CNOT6: variants seen among roughly 807,000 people sequenced by gnomAD.
CNOT6 encodes the protein carbon catabolite repression 4 protein.
In CNOT6, 12 loss-of-function variants were observed where a neutral mutation model predicts 61.2. That is an observed-to-expected ratio of 0.20 (90% CI 0.13 to 0.32). The LOEUF is 0.32. Ranked by LOEUF, CNOT6 falls within the 10% of genes least tolerant of loss-of-function variation. The probability of loss-of-function intolerance (pLI) is 1.00; values close to 1 mark genes in which losing one functional copy is unlikely to be tolerated. For synonymous variants in CNOT6, 225 were observed against 240.6 expected (o/e 0.94, Z 0.60); for missense variants, 405 against 663.9 (o/e 0.61, Z 4.28).
intron 1 of CNOT6, among the ~76,000 whole-genome samples, chr5:180,514,464 C>A (rs1009832379): frequency 6.6e-5 from 10 of 152,178 alleles, no homozygotes; most frequent in African/African-American, 2.4e-4. Flanking sequence ...CTGAATTTTG[C>A]AGTGTAATTA....
At chr5:180,530,574 T>A (rs1017102513) in intron 2 of CNOT6, among the ~76,000 whole-genome samples, 1 of 151,796 alleles carries the variant, frequency 6.6e-6, no homozygotes, top group Admixed American at 6.6e-5. Context: ...TTTTTTTTTT[T>A]TTTTTAGTTT....
In CNOT6 at chr5:180,552,120, C is replaced by T. The variant is rs370029160; in HGVS notation, c.300-1266C>T. On this transcript the variant is annotated intron_variant, in intron 3 of 11. Transcript: ENST00000261951. Reference sequence around the variant, plus strand: ...CTGACCTCAAATGATCTGCCTGCCTCGGCCTCCCAAAGTGCTGGGATTACA... The same window carrying T: ...CTGACCTCAAATGATCTGCCTGCCTTGGCCTCCCAAAGTGCTGGGATTACA... 8.5e-3 allele frequency among the ~76,000 whole-genome samples: 1,285 copies of T among 151,684 alleles called. 13 individuals carry two copies. Among genetic ancestry groups the T allele is most frequent in the South Asian group, 0.067 (320 of 4,792 alleles).
chr5:180,512,407 T>C (rs1393900638), intron 1 of CNOT6, among the ~76,000 whole-genome samples: 1 of 152,116 alleles, frequency 6.6e-6, no homozygotes, highest in Non-Finnish European at 1.5e-5. Flanking sequence ...TCAAAAGATA[T>C]AGAAGGAAAT....
In CNOT6 at chr5:180,549,427, A is replaced by G. The variant is rs148789203; in HGVS notation, c.113-504A>G. ...CACTTTTGGAGGCCAAGGCGGGCAG[A>G]TCACAAGGTCAGGAGATCGAGACCA... On this transcript the variant is annotated intron_variant, in intron 2 of 11. Transcript: ENST00000261951. 2.5e-3 allele frequency among the ~76,000 whole-genome samples: 381 copies of G among 152,270 alleles called. 3 individuals are homozygous for G. The highest frequency in any genetic ancestry group is 4.4e-3 in the Non-Finnish European group (297 of 68,022).
intron 2 of CNOT6, among the ~76,000 whole-genome samples, chr5:180,543,007 C>T (rs371779009): frequency 8.9e-4 from 136 of 152,162 alleles, no homozygotes; most frequent in Middle Eastern, 6.8e-3. Context: ...ACATTATGTT[C>T]TTTTACTTCT....
At position 180,569,280 on chromosome 5, in the gene CNOT6, G is replaced by A. The variant is rs757724982; in HGVS notation, c.1198G>A (p.Gly400Arg). ...TCGCAACCTCAAATCCAGTGTTTTG[G>A]GAGAATTTGGAACTATTCCACTTGT... ...ASRNLKSSVL[G>R]EFGTIPLVLC... The change falls in exon 10 of 12, where the codon GGA becomes AGA. Residue 400 changes from glycine (G) to arginine (R), a missense_variant. Gly to Arg is a moderately radical substitution (Grantham distance 125, BLOSUM62 -2). Around this residue, in one of 5 missense-constraint regions of CNOT6, gnomAD observed 116 missense variants for 184.6 expected, o/e 0.63. Coordinates refer to ENST00000261951, the MANE Select transcript of CNOT6 (RefSeq NM_001370472.1). The A allele has an allele frequency of 1.2e-6, 2 of 1,614,132 alleles. No individual in the cohort carries two copies. Among genetic ancestry groups the A allele is most frequent in the Admixed American group, 3.3e-5 (2 of 60,022 alleles).
Position 180,567,929 on chromosome 5 carries a change from A to AT in CNOT6, c.953_954insT (p.Arg319GlnfsTer7). The AT allele has an allele frequency of 6.2e-7, 1 of 1,614,178 alleles. No homozygotes were observed. Among genetic ancestry groups the AT allele is most frequent in the Non-Finnish European group, 8.5e-7 (1 of 1,180,018 alleles). On this transcript the variant is annotated frameshift_variant, in exon 9 of 12. Transcript: ENST00000261951. LOFTEE classifies it high-confidence loss of function. The stretch of plus-strand genomic sequence containing the variant: ...TCTGAGGGGTCTGAAGCTATGCTGA[A>AT]CAGAGTCATGACAAAAGATAACATT...
At chr5:180,522,495 A>G (rs926097416) in intron 1 of CNOT6, among the ~76,000 whole-genome samples, 2 of 152,168 alleles carry the variant, frequency 1.3e-5, no homozygotes, top group South Asian at 2.1e-4. Flanking sequence ...CCAGCAGTGT[A>G]TAAGTGTTCC....
intron 2 of CNOT6, among the ~76,000 whole-genome samples, chr5:180,541,876 C>T (rs1386989076): frequency 2.0e-5 from 3 of 151,846 alleles, no homozygotes; most frequent in African/African-American, 7.3e-5. Flanking sequence ...GGGTCTCGCT[C>T]TGTTGCCCAG....
intron 10 of CNOT6, 64 bp from the exon 11 acceptor site, chr5:180,571,166 G>T: frequency 8.7e-7 from 1 of 1,152,198 alleles, no homozygotes; most frequent in South Asian, 1.4e-5. Context: ...TCTTACTATT[G>T]CATGATCTTT....
In CNOT6 at chr5:180,567,726, C is replaced by T. The variant is rs150466398; in HGVS notation, c.873-123C>T. The stretch of plus-strand genomic sequence containing the variant: ...TTGATGCTGAACGTGGAGGATTTTC[C>T]GTAATGTGATTTAAGTGCCATCGTA... On this transcript the variant is annotated intron_variant, in intron 8 of 11. Coordinates refer to ENST00000261951, the MANE Select transcript of CNOT6 (RefSeq NM_001370472.1). 1.8e-4 allele frequency: 235 copies of T among 1,313,382 alleles called. 2 individuals carry two copies. In the East Asian group the frequency reaches 4.6e-3, roughly 25 times the overall value. The allele number at this position is 1,313,382 out of a possible 1,614,324, so 81.4% of individuals were successfully genotyped here. A position where few individuals can be genotyped will look rare whatever the true frequency, so the allele number is the denominator to read the frequency against.
chr5:180,571,673 C>T (rs1372135742), intron 11 of CNOT6, among the ~76,000 whole-genome samples: 1 of 152,154 alleles, frequency 6.6e-6, no homozygotes, highest in African/African-American at 2.4e-5. Flanking sequence ...TCAAACGATC[C>T]TCTCACCTCG....
In CNOT6 at chr5:180,499,070, C is replaced by T. The variant is rs180697955; in HGVS notation, c.-3+4307C>T. ...CCTCCCAAAGTGCTGGGATTACAGG[C>T]GTGAGCCACCATGCCTGGCCTGGAT... On this transcript the variant is annotated intron_variant, in intron 1 of 11. Coordinates refer to ENST00000261951, the MANE Select transcript of CNOT6 (RefSeq NM_001370472.1). Among the ~76,000 whole-genome samples, 57 of 152,276 alleles carry T rather than the reference C, an allele frequency of 3.7e-4. No homozygotes were observed. In the East Asian group the frequency reaches 8.1e-3, roughly 22 times the overall value.
At chr5:180,543,967 C>T (rs556114391) in intron 2 of CNOT6, among the ~76,000 whole-genome samples, 1 of 152,206 alleles carries the variant, frequency 6.6e-6, no homozygotes, top group African/African-American at 2.4e-5. Context: ...CCCGCCACCA[C>T]GCCTGGCTAA....
At chr5:180,551,584 A>G (rs1228496582) in intron 3 of CNOT6, among the ~76,000 whole-genome samples, 1 of 152,194 alleles carries the variant, frequency 6.6e-6, no homozygotes, top group Admixed American at 6.5e-5. Context: ...GGTAGATAAG[A>G]TCTAACCAAG....
At chr5:180,547,251 GC>G (rs1285239961) in intron 2 of CNOT6, among the ~76,000 whole-genome samples, 1 of 151,954 alleles carries the variant, frequency 6.6e-6, no homozygotes, top group Non-Finnish European at 1.5e-5. Context: ...CAGGCGCTGT[GC>G]CTCACGCCTG....
chr5:180,506,917 C>G (rs1302583353), intron 1 of CNOT6, among the ~76,000 whole-genome samples: 2 of 151,966 alleles, frequency 1.3e-5, no homozygotes. Flanking sequence ...ATGGAAGAAG[C>G]CTGTGTTACA....
chr5:180,497,093 C>A (rs149461243), intron 1 of CNOT6, among the ~76,000 whole-genome samples: 1 of 151,996 alleles, frequency 6.6e-6, no homozygotes, highest in Non-Finnish European at 1.5e-5. Flanking sequence ...TTTCGGAGGC[C>A]GAGATGGGTG....
At chr5:180,548,895 G>A (rs1012033977) in intron 2 of CNOT6, among the ~76,000 whole-genome samples, 2 of 152,192 alleles carry the variant, frequency 1.3e-5, no homozygotes, top group African/African-American at 4.8e-5. Context: ...AACCAGTAAG[G>A]AGATTATGGG....
Sources: gnomAD v4.1 joint callset for allele counts (sites outside exome capture counted in the v4.1 genomes callset) on GRCh38, gnomAD v4.1.1 for gene constraint, gnomAD v4.1.1 regional missense constraint, MANE v1.5 for transcripts, NCBI Gene and HGNC (gene_info 2026-07-23, HGNC 2026-07-21) for gene names.